GHR: variants seen among roughly 807,000 people sequenced by gnomAD.
The protein encoded by GHR is GH receptor.
Under a neutral mutation model 67.1 loss-of-function variants are expected in GHR, and 35 were observed. That is an observed-to-expected ratio of 0.52 (90% CI 0.40 to 0.69). The LOEUF (loss-of-function observed/expected upper bound fraction) is 0.69. Among genes scored for constraint, GHR ranks in the 30% least tolerant of loss-of-function variants. GHR has a pLI of 0.00. For missense variants in GHR, 792 were observed against 764.6 expected, an observed-to-expected ratio of 1.04 and a Z score of -0.42; for synonymous variants, 272 against 269.1, an observed-to-expected ratio of 1.01 and a Z score of -0.10.
At chr5:42,425,138 A>G in intron 1 of GHR, 1 of 452,256 alleles carries the variant, frequency 2.2e-6, no homozygotes, top group Non-Finnish European at 2.9e-6. Context: ...TGAGTGGCTG[A>G]GGACTGGAAG....
intron 1 of GHR, chr5:42,467,666 G>A: frequency 1.2e-6 from 2 of 1,603,174 alleles, no homozygotes; most frequent in Non-Finnish European, 1.7e-6. Flanking sequence ...ATTCTCTGAT[G>A]CACATCGAGC....
chr5:42,623,786 T>C (rs1015293516), intron 2 of GHR, among the ~76,000 whole-genome samples: 14 of 152,176 alleles, frequency 9.2e-5, no homozygotes, highest in Admixed American at 3.9e-4. Context: ...TATTTATTGA[T>C]TTGTTGGGAA....
intron 3 of GHR, among the ~76,000 whole-genome samples, chr5:42,681,222 G>T (rs1177079548): frequency 6.6e-6 from 1 of 151,312 alleles, no homozygotes; most frequent in Non-Finnish European, 1.5e-5. Flanking sequence ...TCTGACAAAG[G>T]GCTAATATCC....
intron 1 of GHR, among the ~76,000 whole-genome samples, chr5:42,506,957 G>A (rs1746803875): frequency 6.6e-6 from 1 of 151,934 alleles, no homozygotes; most frequent in Non-Finnish European, 1.5e-5. Context: ...GCTAATCTTG[G>A]GTAAATTATA....
chr5:42,653,815 C>T (rs1561199565), intron 3 of GHR, among the ~76,000 whole-genome samples: 1 of 152,082 alleles, frequency 6.6e-6, no homozygotes, highest in Non-Finnish European at 1.5e-5. Context: ...TGTTGATGAT[C>T]CTATAAAATT....
Position 42,444,999 on chromosome 5 carries a change from T to A in GHR, c.-12+21044T>A, listed in dbSNP as rs114348334. Among the ~76,000 whole-genome samples, 269 of 152,352 alleles carry A rather than the reference T, an allele frequency of 1.8e-3. 1 individual carries two copies. The highest frequency in any genetic ancestry group is 6.1e-3 in the African/African-American group (255 of 41,592). ...CCTCCCCTTTAGCCTCACTCCAGTA[T>A]CTTGCAGGTGGGCAGTCCTCTGTAA... On this transcript the variant is annotated intron_variant, in intron 1 of 9. Coordinates refer to ENST00000230882, the MANE Select transcript of GHR (RefSeq NM_000163.5).
chr5:42,681,804 C>T (rs1162825129), intron 3 of GHR, among the ~76,000 whole-genome samples: 4 of 151,696 alleles, frequency 2.6e-5, no homozygotes, highest in Non-Finnish European at 4.4e-5. Context: ...GGCGCAGTGG[C>T]GGGCGCCTGT....
At chr5:42,579,130 GATAGATAGATGATAGATAGATAT>G (rs1750974240) in intron 2 of GHR, among the ~76,000 whole-genome samples, 2 of 55,766 alleles carry the variant, frequency 3.6e-5, no homozygotes, top group African/African-American at 1.7e-4. Context: ...TAGATAGATA[GATAGATAGATGATAGATAGATAT>G]AGATAGATAG....
chr5:42,435,130 A>G (rs1441000392), intron 1 of GHR, among the ~76,000 whole-genome samples: 3 of 152,158 alleles, frequency 2.0e-5, no homozygotes, highest in Non-Finnish European at 4.4e-5. Flanking sequence ...TCACTTATAA[A>G]AGACCCTCTT....
At chr5:42,581,053 T>C (rs6896667) in intron 2 of GHR, among the ~76,000 whole-genome samples, 54,850 of 152,050 alleles carry the variant, frequency 0.36, 11,741 homozygotes, top group African/African-American at 0.6. Flanking sequence ...TGATTGCCAT[T>C]ACAAATCTCT....
chr5:42,543,911 T>A (rs986344281), intron 1 of GHR, among the ~76,000 whole-genome samples: 2 of 150,600 alleles, frequency 1.3e-5, no homozygotes, highest in African/African-American at 4.9e-5. Flanking sequence ...CTACTCTCAA[T>A]TTTTTTTTTA....
At chr5:42,570,453 A>T (rs2112496194) in intron 2 of GHR, among the ~76,000 whole-genome samples, 1 of 152,356 alleles carries the variant, frequency 6.6e-6, no homozygotes, top group South Asian at 2.1e-4. Context: ...ATGACACATA[A>T]AAAGTCTTTC....
chr5:42,688,848 C>T (rs1479700321), intron 3 of GHR, 42 bp from the exon 4 acceptor site: 3 of 1,597,568 alleles, frequency 1.9e-6, no homozygotes, highest in Admixed American at 3.3e-5. Flanking sequence ...TCACATATGA[C>T]TCACCTGATT....
rs141074889 is a variant in GHR at position 42,704,325 on chromosome 5, G to A, written c.618+4323G>A. ...CTGTTGAGATGGTTCCATGGTTTTC[G>A]TCTCGGTTCTGTTAAAGTGATGTAT... On this transcript the variant is annotated intron_variant, in intron 6 of 9. Coordinates refer to ENST00000230882, the MANE Select transcript of GHR (RefSeq NM_000163.5). 1.3e-3 allele frequency among the ~76,000 whole-genome samples: 201 copies of A among 151,684 alleles called. 1 individual carries two copies. In the South Asian group the frequency reaches 0.015, roughly 11 times the overall value.
intron 6 of GHR, among the ~76,000 whole-genome samples, chr5:42,701,570 G>T (rs897320337): frequency 6.6e-6 from 1 of 152,110 alleles, no homozygotes; most frequent in Non-Finnish European, 1.5e-5. Context: ...TATTTGAATT[G>T]GCAAACATTT....
chr5:42,460,574 G>A (rs1356202420), intron 1 of GHR, among the ~76,000 whole-genome samples: 1 of 152,188 alleles, frequency 6.6e-6, no homozygotes, highest in Non-Finnish European at 1.5e-5. Context: ...GACGGTGCTT[G>A]TTCCTCTCTG....
intron 1 of GHR, among the ~76,000 whole-genome samples, chr5:42,539,310 G>T (rs1482706063): frequency 6.6e-6 from 1 of 152,198 alleles, no homozygotes; most frequent in Non-Finnish European, 1.5e-5. Flanking sequence ...TCATTTGGAA[G>T]CTCTGTCAGA....
chr5:42,513,384 CT>C (rs1389236587), intron 1 of GHR, among the ~76,000 whole-genome samples: 3 of 152,210 alleles, frequency 2.0e-5, no homozygotes, highest in Non-Finnish European at 2.9e-5. Flanking sequence ...GGCCGGTTAT[CT>C]TTGTCACTTC....
rs1227637864 is a variant in GHR at position 42,476,499 on chromosome 5, G to A, written c.-12+52544G>A. 2.0e-5 allele frequency among the ~76,000 whole-genome samples: 3 copies of A among 152,210 alleles called. No homozygotes were observed. The East Asian group carries it at 5.8e-4, about 29-fold the overall frequency. On this transcript the variant is annotated intron_variant, in intron 1 of 9. Coordinates refer to ENST00000230882, the MANE Select transcript of GHR (RefSeq NM_000163.5). The stretch of plus-strand genomic sequence containing the variant: ...CTTCCAAAGTGCTGGGATTACAGGC[G>A]TGAGCCACTGCACCTGGCCTAAATT...
Sources: allele counts gnomAD v4.1 joint callset (sites outside exome capture counted in the v4.1 genomes callset), GRCh38; gene constraint gnomAD v4.1.1; transcripts MANE v1.5; gene names NCBI Gene and HGNC (gene_info 2026-07-23, HGNC 2026-07-21).